Variants in ZNF385D observed in about 807,000 individuals in gnomAD.
ZNF385D encodes the protein zinc finger protein 385D.
ZNF385D carries 15 observed loss-of-function variants against 35.8 expected under a neutral mutation model. The observed-to-expected ratio is 0.42, with a 90% CI of 0.28 to 0.64. ZNF385D has a LOEUF of 0.64. ZNF385D is among the 30% of genes least tolerant of loss of function. The pLI, the probability that ZNF385D is intolerant of heterozygous loss-of-function variation, is 0.23. For missense variants in ZNF385D, 474 were observed against 494.6 expected, an observed-to-expected ratio of 0.96 and a Z score of 0.39; for synonymous variants, 212 against 186.8, an observed-to-expected ratio of 1.13 and a Z score of -1.10.
At chr3:21,751,236 A>ACGCCC, upstream of ZNF385D, 5 of 1,106,896 alleles carry the variant, frequency 4.5e-6, no homozygotes, top group Non-Finnish European at 5.6e-6. Context: ...AGACCCCTCC[A>ACGCCC]CCCCACCCCA....
chr3:21,505,280 A>G (rs1706690288), intron 4 of ZNF385D, among the ~76,000 whole-genome samples: 1 of 152,100 alleles, frequency 6.6e-6, no homozygotes, highest in Non-Finnish European at 1.5e-5. Flanking sequence ...GACTTAGGAG[A>G]AGGACAGGGC....
intron 3 of ZNF385D, among the ~76,000 whole-genome samples, chr3:21,876,488 C>G (rs1275506022): frequency 6.6e-6 from 1 of 151,528 alleles, no homozygotes; most frequent in African/African-American, 2.4e-5. Context: ...ATTCTTTTGA[C>G]TAAGAATGAC....
At chr3:21,659,514 T>C (rs998148988) in intron 2 of ZNF385D, among the ~76,000 whole-genome samples, 1 of 152,144 alleles carries the variant, frequency 6.6e-6, no homozygotes, top group African/African-American at 2.4e-5. Context: ...ATGGCTGCTG[T>C]AACCAGAGTC....
rs116796939 is a variant in ZNF385D, at chr3:21,447,489, G to T, written c.440-10286C>A. 3.0e-3 allele frequency among the ~76,000 whole-genome samples: 452 copies of T among 152,348 alleles called. 1 individual carries two copies. The highest frequency in any genetic ancestry group is 0.011 in the African/African-American group (439 of 41,590). ...GAAGAACTGTGTATTGGAAAGCTCA[G>T]TTTGAAATCTGGCAAGAAATCAAGG... On this transcript the variant is annotated intron_variant, in intron 4 of 7. Transcript: ENST00000281523.
intron 3 of ZNF385D, among the ~76,000 whole-genome samples, chr3:21,826,016 T>C (rs1232775241): frequency 6.6e-6 from 1 of 152,110 alleles, no homozygotes; most frequent in Non-Finnish European, 1.5e-5. Context: ...GGTGGAACAG[T>C]TTCATCCCCT....
chr3:21,618,692 A>G (rs1222724453), intron 2 of ZNF385D, among the ~76,000 whole-genome samples: 2 of 152,204 alleles, frequency 1.3e-5, no homozygotes, highest in African/African-American at 4.8e-5. Context: ...AAACACTGGC[A>G]AGGATGAGTA....
chr3:21,564,506 TCTC>T, intron 3 of ZNF385D, 65 bp downstream of exon 3: 1 of 976,370 alleles, frequency 1.0e-6, no homozygotes, highest in South Asian at 2.2e-5. Flanking sequence ...AGAAATCTTT[TCTC>T]CTGCAAGATT....
At chr3:22,354,361 C>A (rs779614887) in intron 2 of ZNF385D, among the ~76,000 whole-genome samples, 1 of 152,026 alleles carries the variant, frequency 6.6e-6, no homozygotes, top group Non-Finnish European at 1.5e-5. Flanking sequence ...CACACTTAGT[C>A]TTGATAAATG....
intron 2 of ZNF385D, among the ~76,000 whole-genome samples, chr3:22,275,989 G>C (rs1014042559): frequency 6.6e-6 from 1 of 152,046 alleles, no homozygotes; most frequent in Non-Finnish European, 1.5e-5. Context: ...GGAGGCTGAG[G>C]CACAAAAATC....
intron 3 of ZNF385D, among the ~76,000 whole-genome samples, chr3:21,863,624 A>T (rs954511490): frequency 6.6e-6 from 1 of 152,140 alleles, no homozygotes; most frequent in Non-Finnish European, 1.5e-5. Context: ...ATGAGAGAGA[A>T]GATAAGAAAC....
At chr3:22,141,572 A>T (rs1377142915) in intron 3 of ZNF385D, among the ~76,000 whole-genome samples, 2 of 152,162 alleles carry the variant, frequency 1.3e-5, no homozygotes, top group African/African-American at 4.8e-5. Flanking sequence ...TTCAGCCTTA[A>T]GGGTCTCTGT....
intron 3 of ZNF385D, among the ~76,000 whole-genome samples, chr3:21,528,547 T>G (rs233151): frequency 0.18 from 27,831 of 152,080 alleles, 2,612 homozygotes; most frequent in Admixed American, 0.25. Flanking sequence ...TTAAATATAT[T>G]AAAACAATAT....
intron 3 of ZNF385D, among the ~76,000 whole-genome samples, chr3:21,555,548 CT>C (rs145627432): frequency 0.2 from 30,311 of 151,900 alleles, 3,800 homozygotes; most frequent in Non-Finnish European, 0.28. Context: ...TGAATTCATC[CT>C]TTTTTATGGC....
At chr3:22,244,692 T>C (rs1699679949) in intron 2 of ZNF385D, among the ~76,000 whole-genome samples, 1 of 151,164 alleles carries the variant, frequency 6.6e-6, no homozygotes, top group Non-Finnish European at 1.5e-5. Flanking sequence ...TCTGCAACTC[T>C]ATGCTGAATT....
At chr3:22,333,434 A>G (rs979614516) in intron 2 of ZNF385D, among the ~76,000 whole-genome samples, 8 of 152,164 alleles carry the variant, frequency 5.3e-5, no homozygotes, top group Middle Eastern at 6.8e-3. Context: ...GTATGGTCCC[A>G]TAAGGCTGTA....
intron 1 of ZNF385D, among the ~76,000 whole-genome samples, chr3:21,742,709 G>A (rs2125528680): frequency 6.6e-6 from 1 of 152,302 alleles, no homozygotes; most frequent in Non-Finnish European, 1.5e-5. Context: ...GCCTTCAGGA[G>A]TCTCTCTTGT....
chr3:21,480,602 C>T (rs6550609), intron 4 of ZNF385D, among the ~76,000 whole-genome samples: 71,385 of 151,748 alleles, frequency 0.47, 17,302 homozygotes, highest in East Asian at 0.83. Context: ...GAAGAAAGAT[C>T]GGAAGATAAA....
intron 2 of ZNF385D, among the ~76,000 whole-genome samples, chr3:22,176,107 A>T (rs1240300665): frequency 6.8e-6 from 1 of 147,794 alleles, no homozygotes; most frequent in Non-Finnish European, 1.5e-5. Flanking sequence ...AAACTACAGC[A>T]TCTGGAAATT....
At chr3:21,628,490 A>T (rs2065194389) in intron 2 of ZNF385D, among the ~76,000 whole-genome samples, 1 of 148,624 alleles carries the variant, frequency 6.7e-6, no homozygotes, top group Admixed American at 6.9e-5. Context: ...GTAGTAGTTT[A>T]TATGAAAAAT....
Sources: gnomAD v4.1 joint callset for allele counts (sites outside exome capture counted in the v4.1 genomes callset) on GRCh38, gnomAD v4.1.1 for gene constraint, MANE v1.5 for transcripts, NCBI Gene and HGNC (gene_info 2026-07-23, HGNC 2026-07-21) for gene names.